LRRK1: variants seen among roughly 807,000 people sequenced by gnomAD.
LRRK1 encodes the protein leucine rich repeat kinase 1.
Under a neutral mutation model 209.1 loss-of-function variants are expected in LRRK1, and 113 were observed. The ratio of observed to expected loss-of-function variants is 0.54; its 90% CI spans 0.46 to 0.63. LRRK1 has a LOEUF of 0.63. LRRK1 is among the 30% of genes least tolerant of loss of function. The pLI is 0.00. For missense variants in LRRK1, 2,284 were observed against 2,632.2 expected (o/e 0.87, Z 2.89); for synonymous variants, 1,144 against 1,099.7 (o/e 1.04, Z -0.80).
Position 101,051,865 on chromosome 15 carries a change from C to T in LRRK1, c.3594C>T (p.Ile1198=), listed in dbSNP as rs369473298. The T allele has an allele frequency of 1.6e-5, 26 of 1,613,984 alleles. No individual in the cohort carries two copies. Among genetic ancestry groups the T allele is most frequent in the African/African-American group, 8.0e-5 (6 of 74,934 alleles). ...TGGAAGACTGTGTCCTGACGGCCAT[C>T]GAGCGGGACTTCATCTCCTGCCCCA... The part of the protein sequence containing the change: ...FDMEDCVLTA[I]ERDFISCPRH... The change falls in exon 24 of 34, where the codon ATC becomes ATT. Residue 1198 remains isoleucine, a synonymous_variant. Transcript: ENST00000388948.
intron 4 of LRRK1, among the ~76,000 whole-genome samples, chr15:100,985,845 G>T (rs2031836828): frequency 6.6e-6 from 1 of 151,674 alleles, no homozygotes; most frequent in South Asian, 2.1e-4. Flanking sequence ...TTCCTGCAAA[G>T]GAGTTCCCAA....
chr15:100,980,495 C>G (rs150613658), intron 3 of LRRK1, among the ~76,000 whole-genome samples: 1 of 152,080 alleles, frequency 6.6e-6, no homozygotes, highest in East Asian at 1.9e-4. Context: ...GGAACAGGTT[C>G]GTATCTTGAT....
At chr15:100,958,369 G>T (rs1387720554) in intron 2 of LRRK1, among the ~76,000 whole-genome samples, 2 of 152,150 alleles carry the variant, frequency 1.3e-5, no homozygotes, top group Non-Finnish European at 2.9e-5. Context: ...TGTTTCCACT[G>T]GTATATACTG....
At position 101,027,643 on chromosome 15, in the gene LRRK1, C is replaced by T. The variant is rs771478926; in HGVS notation, c.2532C>T (p.Pro844=). 4.3e-6 allele frequency: 7 copies of T among 1,611,952 alleles called. No homozygotes were observed. In the South Asian group the frequency reaches 6.6e-5, roughly 15 times the overall value. ...GCQRLAGRLI[P]RSYLSLQEAV... ...CTCGCCCAACTGTCCCCCAGATCCC[C>T]AGGAGCTACCTGAGCCTGCAGGAGG... The change falls in exon 19 of 34, where the codon CCC becomes CCT. Residue 844 remains proline, a synonymous_variant. Transcript: ENST00000388948. This position sits in a 1 kb window ranked among gnomAD's most constrained non-coding sequence, Gnocchi z 5.1.
At chr15:100,955,954 C>G (rs1001738232) in intron 2 of LRRK1, among the ~76,000 whole-genome samples, 7 of 151,948 alleles carry the variant, frequency 4.6e-5, no homozygotes, top group Admixed American at 3.3e-4. Context: ...ATTTTCTTTT[C>G]TTATGGTGTT....
At chr15:100,943,973 C>T (rs1434289537) in intron 2 of LRRK1, among the ~76,000 whole-genome samples, 3 of 152,094 alleles carry the variant, frequency 2.0e-5, no homozygotes, top group Non-Finnish European at 4.4e-5. Context: ...CCACCACACC[C>T]GGTCGTGATC....
chr15:100,969,237 C>T (rs12148137), intron 2 of LRRK1, among the ~76,000 whole-genome samples: 105,823 of 152,098 alleles, frequency 0.7, 37,215 homozygotes, highest in Middle Eastern at 0.76. Context: ...TTTGAAAATA[C>T]GTTATTGTAG....
intron 20 of LRRK1, among the ~76,000 whole-genome samples, chr15:101,042,722 G>A (rs1335739943): frequency 6.6e-6 from 1 of 152,218 alleles, no homozygotes; most frequent in Non-Finnish European, 1.5e-5. Context: ...TACAAGCAGG[G>A]TGCTCTTGTC....
intron 20 of LRRK1, among the ~76,000 whole-genome samples, chr15:101,033,237 G>T (rs149505428): frequency 6.5e-4 from 99 of 152,256 alleles, no homozygotes; most frequent in African/African-American, 2.3e-3. Context: ...GGTATTTGGG[G>T]TATCCATCAC....
At chr15:100,995,992 C>T (rs185033738) in intron 6 of LRRK1, among the ~76,000 whole-genome samples, 177 of 152,352 alleles carry the variant, frequency 1.2e-3, no homozygotes, top group Admixed American at 2.0e-3. Context: ...GCCCTGAGCG[C>T]AAGCAGCCCA....
intron 2 of LRRK1, among the ~76,000 whole-genome samples, chr15:100,953,010 A>G (rs56081748): frequency 0.47 from 71,730 of 152,008 alleles, 19,021 homozygotes; most frequent in South Asian, 0.62. Flanking sequence ...GCCAAATAAA[A>G]ATTATATATT....
chr15:100,923,222 C>T (rs549504326), intron 1 of LRRK1, among the ~76,000 whole-genome samples: 7 of 152,228 alleles, frequency 4.6e-5, no homozygotes, highest in South Asian at 2.1e-4. Context: ...CTAGCAGGCC[C>T]GGGCATAAGG....
chr15:101,054,265 G>A (rs368774921), intron 26 of LRRK1, among the ~76,000 whole-genome samples: 3 of 152,156 alleles, frequency 2.0e-5, no homozygotes, highest in Admixed American at 6.5e-5. Flanking sequence ...TGAGCCACAC[G>A]CCCAGCCAAA....
At chr15:101,050,060 C>T (rs2035319148) in intron 23 of LRRK1, among the ~76,000 whole-genome samples, 1 of 152,186 alleles carries the variant, frequency 6.6e-6, no homozygotes, top group Admixed American at 6.5e-5. Flanking sequence ...AAAGATGACA[C>T]TGGTACCACG....
At chr15:100,986,375 G>A (rs915965412) in intron 4 of LRRK1, among the ~76,000 whole-genome samples, 27 of 152,236 alleles carry the variant, frequency 1.8e-4, no homozygotes, top group African/African-American at 5.5e-4. Flanking sequence ...GCCTTAGGCT[G>A]TAGAGAGTAC....
At chr15:100,949,102 C>A (rs561310221) in intron 2 of LRRK1, among the ~76,000 whole-genome samples, 1 of 151,874 alleles carries the variant, frequency 6.6e-6, no homozygotes, top group African/African-American at 2.4e-5. Context: ...TTTGAAAAAA[C>A]CAACGATTTT....
intron 2 of LRRK1, among the ~76,000 whole-genome samples, chr15:100,972,363 A>AGTGT (rs139709615): frequency 4.4e-4 from 43 of 98,494 alleles, no homozygotes; most frequent in African/African-American, 1.8e-3. Context: ...AGAGAGAGAG[A>AGTGT]GTGTGTGTGT....
In LRRK1 at chr15:101,021,863, G is replaced by T. The variant is rs199792081; in HGVS notation, c.1758G>T (p.Glu586Asp). 155 of 1,613,802 alleles carry T rather than the reference G, an allele frequency of 9.6e-5. 1 individual carries two copies. The African/African-American group carries it at 1.9e-3, about 20-fold the overall frequency. ...TCTTCAGCAACCCTGGCCTCCGGGA[G>T]CTCCCTCCTGAGCTGGGGCAGCTGG... ...LYLGNNPGLRELPPELGQLGN... is the reference protein window; with the variant it reads ...LYLGNNPGLRDLPPELGQLGN... The change falls in exon 14 of 34, where the codon GAG (glutamate) becomes GAT (aspartate). Residue 586 changes from glutamate to aspartate, a missense_variant. Glu to Asp is a conservative substitution (Grantham distance 45). Transcript: ENST00000388948.
intron 17 of LRRK1, among the ~76,000 whole-genome samples, chr15:101,026,644 G>A (rs1596293200): frequency 2.6e-5 from 4 of 152,344 alleles, no homozygotes; most frequent in Admixed American, 2.6e-4. Flanking sequence ...CCTGTCACTG[G>A]ACTTTCACAA....
Sources: gnomAD v4.1 joint callset for allele counts (sites outside exome capture counted in the v4.1 genomes callset) on GRCh38, gnomAD v4.1.1 for gene constraint, Gnocchi (gnomAD v3.1) non-coding constraint, MANE v1.5 for transcripts, NCBI Gene and HGNC (gene_info 2026-07-23, HGNC 2026-07-21) for gene names.